TBC1D14: variants seen among roughly 807,000 people sequenced by gnomAD.
TBC1D14 encodes TBC1 domain family member 14.
Under a neutral mutation model 79.0 loss-of-function variants are expected in TBC1D14, and 26 were observed. The ratio of observed to expected loss-of-function variants is 0.33; its 90% CI spans 0.24 to 0.46. TBC1D14 has a LOEUF of 0.46. Ranked by LOEUF, TBC1D14 falls within the 20% of genes least tolerant of loss-of-function variation. The pLI is 1.00. For synonymous variants in TBC1D14, 394 were observed against 349.9 expected, an observed-to-expected ratio of 1.13 and a Z score of -1.40; for missense variants, 769 against 887.6, an observed-to-expected ratio of 0.87 and a Z score of 1.70.
At chr4:6,979,754 A>G (rs537638057) in intron 3 of TBC1D14, among the ~76,000 whole-genome samples, 1 of 152,194 alleles carries the variant, frequency 6.6e-6, no homozygotes, top group East Asian at 1.9e-4. Context: ...AATTAAGATA[A>G]GTCTATTAAT....
chr4:6,951,071 A>G lies in TBC1D14; in HGVS notation c.723-16233A>G, dbSNP rs553124818. On this transcript the variant is annotated intron_variant, in intron 2 of 13. Transcript: ENST00000409757. ...TTGGGAAACCAAGGCGGGCAGATCA[A>G]CTGAGGTCTGGAGTTTGAGACCAGC... 1.4e-4 allele frequency among the ~76,000 whole-genome samples: 22 copies of G among 152,262 alleles called. 1 individual carries two copies. The highest frequency in any genetic ancestry group is 6.5e-4 in the Admixed American group (10 of 15,274).
At chr4:7,022,867 TGGG>T (rs565771290) in intron 12 of TBC1D14, among the ~76,000 whole-genome samples, 1 of 151,806 alleles carries the variant, frequency 6.6e-6, no homozygotes. Context: ...TCTTTGGGCT[TGGG>T]GGGGTACATT....
At chr4:6,996,992 A>G (rs1719123511) in intron 5 of TBC1D14, 2 of 152,122 alleles carry the variant, frequency 1.3e-5, no homozygotes, top group South Asian at 4.1e-4. Context: ...TTTCTAGGAG[A>G]TTTTAAAAAT....
intron 9 of TBC1D14, among the ~76,000 whole-genome samples, chr4:7,009,359 T>G (rs1276972030): frequency 6.6e-6 from 1 of 152,204 alleles, no homozygotes; most frequent in South Asian, 2.1e-4. Flanking sequence ...GCTGGGAGAA[T>G]GTTTAAACAA....
chr4:7,020,049 A>G (rs34498372), intron 12 of TBC1D14, among the ~76,000 whole-genome samples: 47 of 107,022 alleles, frequency 4.4e-4, no homozygotes, highest in African/African-American at 8.6e-4. Flanking sequence ...GGACTCTGGG[A>G]CACAGAGGTG....
rs1168803093 is a variant in TBC1D14, at chr4:7,031,397, G to A, written c.*1005G>A. Reference sequence around the variant, plus strand: ...CCTCACACATTTGACTTTAGAACGTGTGCTTCATGACCCGTTGTACAGACG... The same window carrying A: ...CCTCACACATTTGACTTTAGAACGTATGCTTCATGACCCGTTGTACAGACG... On this transcript the variant is annotated 3_prime_UTR_variant, in exon 14 of 14. Transcript: ENST00000409757. 2.0e-5 allele frequency: 3 copies of A among 152,274 alleles called. No homozygotes were observed. The highest frequency in any genetic ancestry group is 4.4e-5 in the Non-Finnish European group (3 of 68,070). The allele number at this position is 152,274 out of a possible 1,614,324, so 9.4% of individuals were successfully genotyped here.
rs553635774 is a variant in TBC1D14, at chr4:6,915,964, A to AC, written c.-18+6013_-18+6014insC. On this transcript the variant is annotated intron_variant, in intron 1 of 13. Coordinates refer to ENST00000409757, the MANE Select transcript of TBC1D14 (RefSeq NM_020773.3). Reference sequence around the variant, plus strand: ...ATCCCACCTCTACTAAAAAAAAAAAAAAATGCAAAAAATTAGCCAGACGTG... The same window carrying AC: ...ATCCCACCTCTACTAAAAAAAAAAAACAAATGCAAAAAATTAGCCAGACGTG... Among the ~76,000 whole-genome samples the AC allele has an allele frequency of 4.7e-4, 72 of 152,092 alleles. 1 individual carries two copies. The highest frequency in any genetic ancestry group is 3.4e-3 in the Middle Eastern group (1 of 294).
At chr4:6,959,242 A>G (rs1714961159) in intron 2 of TBC1D14, among the ~76,000 whole-genome samples, 1 of 152,190 alleles carries the variant, frequency 6.6e-6, no homozygotes, top group African/African-American at 2.4e-5. Flanking sequence ...CTTGGAGACG[A>G]TAGGTGCTCA....
intron 3 of TBC1D14, among the ~76,000 whole-genome samples, chr4:6,984,121 T>C (rs1161930579): frequency 7.1e-6 from 1 of 140,200 alleles, no homozygotes; most frequent in Non-Finnish European, 1.6e-5. Flanking sequence ...AACATGGGGT[T>C]GGGGTGGGTT....
rs1288544024 is a variant in TBC1D14, at chr4:6,923,473, G to A, written c.84G>A (p.Gln28=). 6.2e-7 allele frequency: 1 copy of A among 1,614,172 alleles called. No homozygotes were observed. The highest frequency in any genetic ancestry group is 2.2e-5 in the East Asian group (1 of 44,892). The change falls in exon 2 of 14, where the codon CAG becomes CAA. Residue 28 remains glutamine, a synonymous_variant. Transcript: ENST00000409757. The part of the protein sequence containing the change: ...ILDGRPGNPL[Q]NLQHVNLKAP... ...ATGGTCGACCAGGAAACCCCCTTCA[G>A]AACCTGCAACACGTCAATCTCAAGG... is the stretch of plus-strand genomic sequence containing the variant.
chr4:7,022,400 A>G (rs1721916582), intron 12 of TBC1D14, among the ~76,000 whole-genome samples: 1 of 152,174 alleles, frequency 6.6e-6, no homozygotes, highest in Admixed American at 6.5e-5. Context: ...CCCTTCACTG[A>G]CTCAGTGTAA....
chr4:6,912,411 A>T (rs1172184250), intron 1 of TBC1D14, among the ~76,000 whole-genome samples: 1 of 151,692 alleles, frequency 6.6e-6, no homozygotes, highest in African/African-American at 2.4e-5. Flanking sequence ...AAAATAAAAA[A>T]ATAAAAAATA....
intron 3 of TBC1D14, among the ~76,000 whole-genome samples, chr4:6,988,320 C>G (rs906214880): frequency 5.9e-5 from 9 of 152,234 alleles, no homozygotes; most frequent in African/African-American, 1.9e-4. Flanking sequence ...AGTCATACTC[C>G]TATCATTTCT....
chr4:7,014,726 G>T (rs1721113099), intron 12 of TBC1D14, among the ~76,000 whole-genome samples, 169 bp downstream of exon 12: 1 of 152,200 alleles, frequency 6.6e-6, no homozygotes, highest in South Asian at 2.1e-4. Context: ...GCCTCCGCCT[G>T]GCCCTCCTGA....
At chr4:6,985,055 A>G (rs993719279) in intron 3 of TBC1D14, among the ~76,000 whole-genome samples, 1 of 152,188 alleles carries the variant, frequency 6.6e-6, no homozygotes, top group Admixed American at 6.5e-5. Flanking sequence ...CCCCACTTAG[A>G]TGGAGCGGCT....
At chr4:6,982,443 G>A (rs760379764) in intron 3 of TBC1D14, among the ~76,000 whole-genome samples, 4 of 152,148 alleles carry the variant, frequency 2.6e-5, no homozygotes, top group Non-Finnish European at 5.9e-5. Flanking sequence ...GGTGGGGTAG[G>A]GTGTGACTAC....
rs912467789 is a variant in TBC1D14 at position 7,033,037 on chromosome 4, G to C, written c.*2645G>C. On this transcript the variant is annotated 3_prime_UTR_variant, in exon 14 of 14. Coordinates refer to ENST00000409757, the MANE Select transcript of TBC1D14 (RefSeq NM_020773.3). Reference sequence around the variant, plus strand: ...TACAGTTAACCTTTAATTTTATTTAGTAAAGTGTATCAAAGTAGGACTTTT... The same window carrying C: ...TACAGTTAACCTTTAATTTTATTTACTAAAGTGTATCAAAGTAGGACTTTT... 1 of 152,622 alleles carries C rather than the reference G, an allele frequency of 6.6e-6. No homozygotes were observed. Among genetic ancestry groups the C allele is most frequent in the African/African-American group, 2.4e-5 (1 of 41,418 alleles). 9.5% of individuals were successfully genotyped at this position (152,622 alleles called of 1,614,324 possible). A position where few individuals can be genotyped will look rare whatever the true frequency, so the allele number is the denominator to read the frequency against.
At chr4:6,945,749 CAAAAAAAAAAAAAA>C (rs71173472) in intron 2 of TBC1D14, among the ~76,000 whole-genome samples, 1 of 64,134 alleles carries the variant, frequency 1.6e-5, no homozygotes, top group Non-Finnish European at 2.6e-5. Context: ...AACTGCGTCT[CAAAAAAAAAAAAAA>C]AAAAAAAAAA....
intron 2 of TBC1D14, among the ~76,000 whole-genome samples, chr4:6,931,652 T>A (rs1228878748): frequency 6.6e-6 from 1 of 152,238 alleles, no homozygotes; most frequent in Non-Finnish European, 1.5e-5. Flanking sequence ...TGCTTCCCTG[T>A]GCTTTCCTGG....
Sources: gnomAD v4.1 joint callset for allele counts (sites outside exome capture counted in the v4.1 genomes callset) on GRCh38, gnomAD v4.1.1 for gene constraint, MANE v1.5 for transcripts, NCBI Gene and HGNC (gene_info 2026-07-23, HGNC 2026-07-21) for gene names.